Variants in DST observed in about 807,000 individuals in gnomAD.
DST encodes bullous pemphigoid antigen.
A neutral mutation model predicts 875.2 loss-of-function variants in DST; 253 were observed. That is an observed-to-expected ratio of 0.29 (90% confidence interval 0.26 to 0.32). The LOEUF (loss-of-function observed/expected upper bound fraction) is 0.32, where lower values mean the gene tolerates loss of function less well. Among genes scored for constraint, DST ranks in the 10% least tolerant of loss-of-function variants. DST has a pLI of 1.00. For synonymous variants in DST, 3,124 were observed against 3,197.1 expected, an observed-to-expected ratio of 0.98 and a Z score of 0.77; for missense variants, 8,287 against 9,111.6, an observed-to-expected ratio of 0.91 and a Z score of 3.68.
At position 56,497,943 on chromosome 6, in the gene DST, G is replaced by A. The variant is rs753554176; in HGVS notation, c.20007C>T (p.Asn6669=). 6 of 1,613,420 alleles carry A rather than the reference G, an allele frequency of 3.7e-6. No homozygotes were observed. Among genetic ancestry groups the A allele is most frequent in the Non-Finnish European group, 5.1e-6 (6 of 1,179,580 alleles). ...AGCGTTGATTTAAAACCTCTAGCTTGTTCTGAAGGTTGCTTGCTTCTTCTC... is the reference window on the plus strand; with the variant it reads ...AGCGTTGATTTAAAACCTCTAGCTTATTCTGAAGGTTGCTTGCTTCTTCTC... ...SAGEEASNLQ[N]KLEVLNQRWQ... Residue 6669 remains asparagine (N), a synonymous_variant, in exon 81 of 104, where the codon AAC becomes AAT. Coordinates refer to ENST00000680361, the MANE Select transcript of DST (RefSeq NM_001374736.1).
chr6:56,712,839 G>C (rs1289254047), intron 5 of DST, among the ~76,000 whole-genome samples: 1 of 152,052 alleles, frequency 6.6e-6, no homozygotes, highest in Non-Finnish European at 1.5e-5. Context: ...ATTCACACTA[G>C]TTCAAAAAAT....
intron 8 of DST, among the ~76,000 whole-genome samples, chr6:56,701,054 A>G (rs1216834018): frequency 6.9e-6 from 1 of 145,636 alleles, no homozygotes; most frequent in Non-Finnish European, 1.5e-5. Flanking sequence ...ATCATGGCTC[A>G]ACACATCCTC....
In DST at chr6:56,786,759, GTGAT is replaced by G. The variant is rs199796811; in HGVS notation, c.626-51474_626-51471del. On this transcript the variant is annotated intron_variant, in intron 4 of 103. Transcript: ENST00000680361. Reference sequence around the variant, plus strand: ...GTTGGTCTCGAACTCCTGACCTCAGGTGATCTGCCTGCCTCAGCCTCCCAAAGTG... The same window carrying G: ...GTTGGTCTCGAACTCCTGACCTCAGGCTGCCTGCCTCAGCCTCCCAAAGTG... Among the ~76,000 whole-genome samples, 19 of 152,230 alleles carry G rather than the reference GTGAT, an allele frequency of 1.2e-4. No homozygotes were observed. In the East Asian group the frequency reaches 3.5e-3, roughly 28 times the overall value.
rs1287625401 is a variant in DST, at chr6:56,607,774, C to A, written c.6854G>T (p.Gly2285Val). The change falls in exon 40 of 104, where the codon GGA becomes GTA. Residue 2285 changes from glycine (G) to valine (V), a missense_variant. Physicochemically the swap from Gly to Val is moderately radical, Grantham distance 109. Around this residue, in one of 10 missense-constraint regions of DST, gnomAD observed 3,138 missense variants for 3,116.6 expected, o/e 1.01. Coordinates refer to ENST00000680361, the MANE Select transcript of DST (RefSeq NM_001374736.1). The stretch of plus-strand genomic sequence containing the variant: ...AGGAGTCTCTTCATGTTCAGGTTCT[C>A]CACAGTGACATTTATTGAAACTACT... ...TPSSFNKCHC[G>V]EPEHEETPEN... The A allele has an allele frequency of 6.2e-7, 1 of 1,613,286 alleles. No homozygotes were observed. The highest frequency in any genetic ancestry group is 1.3e-5 in the African/African-American group (1 of 74,900).
chr6:56,511,489 A>G, intron 72 of DST, 89 bp from the exon 73 acceptor site: 1 of 1,072,780 alleles, frequency 9.3e-7, no homozygotes, highest in Non-Finnish European at 1.4e-6. Context: ...AGCTGGCAAG[A>G]AACTCCAAAC....
chr6:56,513,389 C>T (rs2096523606), intron 72 of DST, among the ~76,000 whole-genome samples: 1 of 152,170 alleles, frequency 6.6e-6, no homozygotes, highest in Admixed American at 6.5e-5. Context: ...CACCACCATG[C>T]CCAACTGATT....
intron 4 of DST, among the ~76,000 whole-genome samples, chr6:56,840,535 C>A (rs1174810779): frequency 6.6e-6 from 1 of 152,054 alleles, no homozygotes; most frequent in Non-Finnish European, 1.5e-5. Context: ...TAACAGGACT[C>A]GAATATGAAT....
At chr6:56,709,346 C>T (rs2099353486) in intron 5 of DST, among the ~76,000 whole-genome samples, 1 of 152,212 alleles carries the variant, frequency 6.6e-6, no homozygotes, top group African/African-American at 2.4e-5. Context: ...AACACATTAG[C>T]TCATGCCAGG....
intron 5 of DST, 191 bp downstream of exon 5, chr6:56,735,037 C>G (rs536249874): frequency 1.6e-5 from 9 of 556,466 alleles, no homozygotes; most frequent in Non-Finnish European, 2.9e-5. Flanking sequence ...ACTTACCTAT[C>G]CACCTCCATC....
intron 36 of DST, chr6:56,618,619 TC>T (rs1437263322): frequency 6.2e-7 from 1 of 1,614,186 alleles, no homozygotes. Flanking sequence ...GTTGAAGCTG[TC>T]TTTCAAGTTC....
At position 56,572,433 on chromosome 6, in the gene DST, T is replaced by C. The variant is rs1202160961; in HGVS notation, c.13555-167A>G. Among the ~76,000 whole-genome samples the C allele has an allele frequency of 2.6e-5, 4 of 152,344 alleles. No individual in the cohort carries two copies. The East Asian group carries it at 7.7e-4, about 29-fold the overall frequency. ...ATATAATAAACATGCATATAGGCTA[T>C]TTGAAAGGGAACACAGTAAACCTTA... On this transcript the variant is annotated intron_variant, in intron 52 of 103. Transcript: ENST00000680361.
intron 44 of DST, among the ~76,000 whole-genome samples, chr6:56,601,142 T>C (rs2098442211): frequency 6.6e-6 from 1 of 152,036 alleles, no homozygotes; most frequent in Non-Finnish European, 1.5e-5. Context: ...TTTAGTCATA[T>C]GTTCCTCAAT....
At chr6:56,485,502 GC>G (rs775750152) in intron 87 of DST, 31 bp from the exon 88 acceptor site, 1 of 1,599,002 alleles carries the variant, frequency 6.3e-7, no homozygotes, top group Non-Finnish European at 8.5e-7. Flanking sequence ...ATTGATCCTT[GC>G]AACAAAAAAC....
At chr6:56,901,047 T>C (rs976639146) in intron 2 of DST, among the ~76,000 whole-genome samples, 3 of 152,064 alleles carry the variant, frequency 2.0e-5, no homozygotes, top group South Asian at 2.1e-4. Flanking sequence ...AGAGAGACTC[T>C]TTCTGAGGAA....
chr6:56,532,199 G>T, intron 64 of DST, 145 bp downstream of exon 64: 1 of 718,424 alleles, frequency 1.4e-6, no homozygotes, highest in African/African-American at 1.8e-5. Flanking sequence ...GAGGAAAGAG[G>T]CACTACAATC....
rs1275753870 is a variant in DST at position 56,561,485 on chromosome 6, T to C, written c.14133A>G (p.Leu4711=). ...ISHGYEDLGL[L]LKDKIAELNT... ...TCAGTTCCGCTATTTTGTCCTTGAGTAAGAGGCCAAGATCTTCATAACCAT... is the reference window on the plus strand; with the variant it reads ...TCAGTTCCGCTATTTTGTCCTTGAGCAAGAGGCCAAGATCTTCATAACCAT... Residue 4711 remains leucine, a synonymous_variant, in exon 57 of 104, where the codon TTA becomes TTG. Coordinates refer to ENST00000680361, the MANE Select transcript of DST (RefSeq NM_001374736.1). The C allele has an allele frequency of 2.3e-5, 37 of 1,613,738 alleles. No homozygotes were observed. The highest frequency in any genetic ancestry group is 3.1e-5 in the Non-Finnish European group (37 of 1,179,780).
Position 56,469,868 on chromosome 6 carries a change from AC to A in DST, c.22551+14del. 2 of 1,604,056 alleles carry A rather than the reference AC, an allele frequency of 1.2e-6. No homozygotes were observed. The highest frequency in any genetic ancestry group is 1.7e-6 in the Non-Finnish European group (2 of 1,170,984). ...TGTCCTTTAAAGGAACTACAACATT[AC>A]TTTGAAAACTTACCCTGTATTTATT... On this transcript the variant is annotated intron_variant, in intron 97 of 103. Transcript: ENST00000680361.
At position 56,578,827 on chromosome 6, in the gene DST, G is replaced by A. The variant is rs2152636931; in HGVS notation, c.13014C>T (p.Ile4338=). The A allele has an allele frequency of 6.2e-7, 1 of 1,612,112 alleles. No homozygotes were observed. Among genetic ancestry groups the A allele is most frequent in the African/African-American group, 1.3e-5 (1 of 74,996 alleles). Residue 4338 remains isoleucine (I), a synonymous_variant, in exon 50 of 104, where the codon ATC becomes ATT. Coordinates refer to ENST00000680361, the MANE Select transcript of DST (RefSeq NM_001374736.1). ...TGAATATCTTACCAAGTGTTTTCTG[G>A]ATATCATTCTTGGCTGGAAGTAAAG... The part of the protein sequence containing the change: ...RGSLLPAKND[I]QKTLDDIVGR...
intron 2 of DST, among the ~76,000 whole-genome samples, chr6:56,952,552 T>C (rs996378911): frequency 3.9e-5 from 6 of 152,212 alleles, no homozygotes; most frequent in Non-Finnish European, 5.9e-5. Flanking sequence ...ACTTGGAAAT[T>C]TGCAAACATT....
Sources: allele counts gnomAD v4.1 joint callset (sites outside exome capture counted in the v4.1 genomes callset), GRCh38; gene constraint gnomAD v4.1.1; regional missense constraint gnomAD v4.1.1; transcripts MANE v1.5; gene names NCBI Gene and HGNC (gene_info 2026-07-23, HGNC 2026-07-21).